LARP4: variants seen among roughly 807,000 people sequenced by gnomAD.
The protein encoded by LARP4 is La ribonucleoprotein 4, also known as la-related protein 4.
Under a neutral mutation model 92.9 loss-of-function variants are expected in LARP4, and 29 were observed. The ratio of observed to expected loss-of-function variants is 0.31; its 90% confidence interval spans 0.23 to 0.43. The LOEUF (loss-of-function observed/expected upper bound fraction) is 0.43, where lower values mean the gene tolerates loss of function less well. Ranked by LOEUF, LARP4 falls within the 20% of genes least tolerant of loss-of-function variation. The pLI, the probability that LARP4 is intolerant of heterozygous loss-of-function variation, is 1.00. For synonymous variants in LARP4, 279 were observed against 284.1 expected (o/e 0.98, Z 0.18); for missense variants, 732 against 860.0 (o/e 0.85, Z 1.86).
intron 8 of LARP4, among the ~76,000 whole-genome samples, chr12:50,446,631 G>A (rs942688668): frequency 1.7e-4 from 25 of 149,802 alleles, no homozygotes; most frequent in African/African-American, 5.9e-4. Context: ...GTTTCACTAT[G>A]TTGGCCAGGC....
At chr12:50,426,884 G>A (rs779240258) in intron 1 of LARP4, among the ~76,000 whole-genome samples, 4 of 151,660 alleles carry the variant, frequency 2.6e-5, no homozygotes, top group African/African-American at 7.3e-5. Flanking sequence ...GACTACAGGC[G>A]CCCACCAACA....
In LARP4 at chr12:50,446,407, C is replaced by A. The variant is rs865902177; in HGVS notation, c.804+4764C>A. 3.2e-4 allele frequency among the ~76,000 whole-genome samples: 2 copies of A among 6,190 alleles called. 1 individual carries two copies. Among genetic ancestry groups the A allele is most frequent in the South Asian group, 0.027 (2 of 74 alleles). 4.1% of individuals were successfully genotyped at this position (6,190 alleles called of 152,430 possible). A position where few individuals can be genotyped will look rare whatever the true frequency, so the allele number is the denominator to read the frequency against. ...TCTCTCTCTCTCTCTCTCTCTCTCT[C>A]TCTATATATATATATATATATATTT... On this transcript the variant is annotated intron_variant, in intron 8 of 15. Transcript: ENST00000398473.
At chr12:50,427,403 G>T (rs1024292641) in intron 1 of LARP4, among the ~76,000 whole-genome samples, 1 of 152,010 alleles carries the variant, frequency 6.6e-6, no homozygotes, top group Non-Finnish European at 1.5e-5. Context: ...CCTCTGTCAT[G>T]TAGGCTGGAG....
chr12:50,429,764 G>A (rs556590558), intron 3 of LARP4, among the ~76,000 whole-genome samples: 137 of 152,032 alleles, frequency 9.0e-4, no homozygotes, highest in Admixed American at 4.7e-3. Context: ...TCAGCCTCCC[G>A]AGTAGCTGGG....
chr12:50,454,705 T>G, intron 10 of LARP4: 1 of 259,886 alleles, frequency 3.8e-6, no homozygotes, highest in Non-Finnish European at 7.3e-6. Context: ...TGGTGACTAA[T>G]TTCCATTTAG....
intron 1 of LARP4, among the ~76,000 whole-genome samples, chr12:50,417,326 G>A (rs1173074299): frequency 6.7e-6 from 1 of 148,964 alleles, no homozygotes; most frequent in East Asian, 2.1e-4. Flanking sequence ...AGTGAGCCGA[G>A]ATCGTGTCAC....
At chr12:50,453,698 A>G (rs373652441) in intron 9 of LARP4, 26 bp downstream of exon 9, 9 of 1,386,044 alleles carry the variant, frequency 6.5e-6, no homozygotes, top group Middle Eastern at 2.3e-4. Flanking sequence ...ACAATAAAAT[A>G]TAATAATATT....
At chr12:50,475,083 CTA>C in intron 15 of LARP4, among the ~76,000 whole-genome samples, 1 of 152,318 alleles carries the variant, frequency 6.6e-6, no homozygotes, top group Admixed American at 6.5e-5. Context: ...CACAATACCT[CTA>C]TTCCACCTTT....
At position 50,426,684 on chromosome 12, in the gene LARP4, G is replaced by GGTGTGTGTGTGTGT. The variant is rs762987529; in HGVS notation, c.19-1044_19-1031dup. On this transcript the variant is annotated intron_variant, in intron 1 of 15. Transcript: ENST00000398473. The stretch of plus-strand genomic sequence containing the variant: ...GCATGGAACAGGGCATTATGTTTGG[G>GGTGTGTGTGTGTGT]GTGTGTGTGTGTGTGTGTGTGTGTG... Among the ~76,000 whole-genome samples, 447 of 86,158 alleles carry GGTGTGTGTGTGTGT rather than the reference G, an allele frequency of 5.2e-3. 7 individuals are homozygous for GGTGTGTGTGTGTGT. Among genetic ancestry groups the GGTGTGTGTGTGTGT allele is most frequent in the Non-Finnish European group, 6.4e-3 (311 of 48,618 alleles). 56.5% of individuals were successfully genotyped at this position (86,158 alleles called of 152,430 possible). A position where few individuals can be genotyped will look rare whatever the true frequency, so the allele number is the denominator to read the frequency against.
chr12:50,454,919 T>C (rs1953936908), intron 10 of LARP4: 2 of 152,550 alleles, frequency 1.3e-5, no homozygotes, highest in Non-Finnish European at 2.9e-5. Context: ...CTAAGGGCTT[T>C]ACATATTTTA....
chr12:50,456,113 T>C (rs1954195454), intron 10 of LARP4, among the ~76,000 whole-genome samples: 1 of 152,148 alleles, frequency 6.6e-6, no homozygotes, highest in Non-Finnish European at 1.5e-5. Flanking sequence ...GGTACTGATA[T>C]TTGCAGTTGC....
chr12:50,466,797 T>G (rs1956209229), intron 12 of LARP4, among the ~76,000 whole-genome samples, 162 bp from the exon 13 acceptor site: 1 of 152,146 alleles, frequency 6.6e-6, no homozygotes, highest in African/African-American at 2.4e-5. Context: ...TGATGAGAGC[T>G]CAAGTGAGAT....
intron 11 of LARP4, 117 bp downstream of exon 11, chr12:50,461,464 TAAATA>T: frequency 9.7e-7 from 1 of 1,027,288 alleles, no homozygotes; most frequent in South Asian, 1.5e-5. Flanking sequence ...ATGGTTATAT[TAAATA>T]AATACGTTAT....
intron 1 of LARP4, among the ~76,000 whole-genome samples, chr12:50,407,666 G>A (rs1021500950): frequency 2.6e-5 from 4 of 152,068 alleles, no homozygotes; most frequent in South Asian, 2.1e-4. Context: ...CCAACATGGC[G>A]AAACCCCATG....
chr12:50,435,414 A>C, intron 4 of LARP4, 74 bp from the exon 5 acceptor site: 1 of 888,728 alleles, frequency 1.1e-6, no homozygotes, highest in Non-Finnish European at 1.8e-6. Flanking sequence ...AAAAGTAGGA[A>C]AAGTGAGTAA....
intron 1 of LARP4, among the ~76,000 whole-genome samples, chr12:50,411,348 A>C (rs116210528): frequency 0.012 from 1,853 of 151,900 alleles, 43 homozygotes; most frequent in African/African-American, 0.041. Flanking sequence ...TGTATTTTTA[A>C]AAATTTTTAT....
intron 4 of LARP4, among the ~76,000 whole-genome samples, chr12:50,432,330 G>A (rs1433823172): frequency 6.6e-6 from 1 of 152,112 alleles, no homozygotes; most frequent in Non-Finnish European, 1.5e-5. Flanking sequence ...GTGATATGTT[G>A]ATTGCTTCAA....
At chr12:50,465,371 C>CA (rs368980753) in intron 12 of LARP4, among the ~76,000 whole-genome samples, 73,361 of 111,486 alleles carry the variant, frequency 0.66, 26,362 homozygotes, top group Non-Finnish European at 0.82. Context: ...GACTCTGTCT[C>CA]AAAAAAAAAA....
intron 1 of LARP4, among the ~76,000 whole-genome samples, chr12:50,417,653 A>G (rs2136638591): frequency 1.3e-5 from 2 of 152,356 alleles, no homozygotes; most frequent in East Asian, 3.9e-4. Flanking sequence ...CCAAAAGCCA[A>G]GAAGCACTGC....
Sources: gnomAD v4.1 joint callset for allele counts (sites outside exome capture counted in the v4.1 genomes callset) on GRCh38, gnomAD v4.1.1 for gene constraint, MANE v1.5 for transcripts, NCBI Gene and HGNC (gene_info 2026-07-23, HGNC 2026-07-21) for gene names.